The following TMEFF2 variants were observed in gnomAD, a reference collection of about 807,000 sequenced individuals.
TMEFF2 encodes transmembrane protein with EGF like and two follistatin like domains 2, also known as tomoregulin-2.
In TMEFF2, 28 loss-of-function variants were observed where a neutral mutation model predicts 53.8. That is an observed-to-expected ratio of 0.52 (90% CI 0.39 to 0.71). TMEFF2 has a LOEUF of 0.71. Among genes scored for constraint, TMEFF2 ranks in the 30% least tolerant of loss-of-function variants. The probability of loss-of-function intolerance (pLI) is 0.00; values close to 1 mark genes in which losing one functional copy is unlikely to be tolerated. For synonymous variants in TMEFF2, 162 were observed against 166.3 expected (o/e 0.97, Z 0.20); for missense variants, 353 against 455.2 (o/e 0.78, Z 2.04).
chr2:192,187,391 G>A (rs1691340793), intron 2 of TMEFF2, among the ~76,000 whole-genome samples: 1 of 152,116 alleles, frequency 6.6e-6, no homozygotes, highest in African/African-American at 2.4e-5. Flanking sequence ...AACTAGTAGA[G>A]TTATCATCTA....
At chr2:192,019,383 T>C (rs1327023344) in intron 5 of TMEFF2, among the ~76,000 whole-genome samples, 2 of 151,998 alleles carry the variant, frequency 1.3e-5, no homozygotes, top group Non-Finnish European at 2.9e-5. Flanking sequence ...CTCAAACATA[T>C]AAATAAGTAG....
At chr2:192,017,903 A>C (rs1270727582) in intron 5 of TMEFF2, among the ~76,000 whole-genome samples, 3 of 152,176 alleles carry the variant, frequency 2.0e-5, no homozygotes, top group Admixed American at 2.0e-4. Context: ...CTCCTCAGTA[A>C]TTGGCATCTA....
chr2:192,140,850 CA>C (rs1458392104), intron 4 of TMEFF2, among the ~76,000 whole-genome samples: 1 of 152,170 alleles, frequency 6.6e-6, no homozygotes, highest in African/African-American at 2.4e-5. Context: ...ACAGGCAGGA[CA>C]GGGGGAATGA....
At chr2:192,168,904 T>A (rs1690838253) in intron 4 of TMEFF2, among the ~76,000 whole-genome samples, 1 of 152,060 alleles carries the variant, frequency 6.6e-6, no homozygotes, top group South Asian at 2.1e-4. Flanking sequence ...GTACGGTTGC[T>A]ATTTATAGCC....
At chr2:192,037,277 GAAAGAAAGAAAGAAA>G (rs1559096314) in intron 5 of TMEFF2, among the ~76,000 whole-genome samples, 11 of 95,794 alleles carry the variant, frequency 1.1e-4, no homozygotes, top group Non-Finnish European at 1.4e-4. Flanking sequence ...CCAAAATAAA[GAAAGAAAGAAAGAAA>G]GAAAGAAAGA....
intron 7 of TMEFF2, among the ~76,000 whole-genome samples, chr2:191,982,548 G>A (rs919474355): frequency 2.0e-5 from 3 of 148,734 alleles, no homozygotes; most frequent in Admixed American, 1.3e-4. Flanking sequence ...AGTTACACTA[G>A]TTTCAAAATT....
intron 4 of TMEFF2, among the ~76,000 whole-genome samples, chr2:192,174,894 G>A (rs1691001320): frequency 6.6e-6 from 1 of 151,660 alleles, no homozygotes. Context: ...AGGTATGCTG[G>A]TTGGAGAGGG....
At chr2:192,002,038 T>TTTATTTATTTA (rs112135470) in intron 5 of TMEFF2, among the ~76,000 whole-genome samples, 16 of 148,258 alleles carry the variant, frequency 1.1e-4, no homozygotes, top group African/African-American at 3.9e-4. Context: ...TTATTTATTA[T>TTTATTTATTTA]TTTTCAGTTT....
intron 5 of TMEFF2, among the ~76,000 whole-genome samples, chr2:192,049,365 ACATT>A (rs1353481466): frequency 6.6e-6 from 1 of 152,176 alleles, no homozygotes; most frequent in African/African-American, 2.4e-5. Flanking sequence ...CTAGTGTATT[ACATT>A]CATAAGACTG....
intron 5 of TMEFF2, 135 bp from the exon 6 acceptor site, chr2:191,999,343 T>G (rs1574278849): frequency 1.6e-6 from 1 of 612,190 alleles, no homozygotes; most frequent in African/African-American, 1.9e-5. Context: ...TCCAGGGAAG[T>G]TCCTTCACTT....
chr2:192,096,680 T>G (rs1180340950), intron 4 of TMEFF2, among the ~76,000 whole-genome samples: 13 of 140,224 alleles, frequency 9.3e-5, no homozygotes, highest in African/African-American at 3.5e-4. Flanking sequence ...CTTTTTTTTT[T>G]TTTTTTTTTT....
chr2:192,159,666 TTGTTAA>T (rs2106009761), intron 4 of TMEFF2, among the ~76,000 whole-genome samples: 1 of 152,272 alleles, frequency 6.6e-6, no homozygotes, highest in South Asian at 2.1e-4. Flanking sequence ...TATTGAAAGC[TTGTTAA>T]TCTATTTCAA....
At chr2:192,101,912 G>C (rs1396310617) in intron 4 of TMEFF2, among the ~76,000 whole-genome samples, 1 of 152,136 alleles carries the variant, frequency 6.6e-6, no homozygotes, top group Non-Finnish European at 1.5e-5. Flanking sequence ...GAATTCCTAA[G>C]TTCTGTGCTT....
chr2:192,143,476 C>T (rs1036666133), intron 4 of TMEFF2, among the ~76,000 whole-genome samples: 1 of 151,998 alleles, frequency 6.6e-6, no homozygotes, highest in Non-Finnish European at 1.5e-5. Flanking sequence ...TTTATGCAAA[C>T]CCATATGAAA....
intron 5 of TMEFF2, among the ~76,000 whole-genome samples, chr2:192,018,692 G>C (rs1686795201): frequency 6.6e-6 from 1 of 151,978 alleles, no homozygotes; most frequent in African/African-American, 2.4e-5. Flanking sequence ...TTGAAATTTT[G>C]ATCCAATATA....
At chr2:192,111,373 C>T (rs1369740317) in intron 4 of TMEFF2, among the ~76,000 whole-genome samples, 1 of 152,092 alleles carries the variant, frequency 6.6e-6, no homozygotes, top group Non-Finnish European at 1.5e-5. Flanking sequence ...GTAAAGGTAA[C>T]TATTACTATG....
chr2:192,131,840 A>G (rs1382202884), intron 4 of TMEFF2, among the ~76,000 whole-genome samples: 2 of 152,166 alleles, frequency 1.3e-5, no homozygotes, highest in Non-Finnish European at 1.5e-5. Context: ...ACTCGACAGT[A>G]GTTCCAAATA....
chr2:192,007,563 A>G (rs1686528298), intron 5 of TMEFF2, among the ~76,000 whole-genome samples: 1 of 152,200 alleles, frequency 6.6e-6, no homozygotes, highest in Non-Finnish European at 1.5e-5. Flanking sequence ...TCTGATTAGA[A>G]TGAACTCTTC....
chr2:192,172,918 A>C (rs1303149700), intron 4 of TMEFF2, among the ~76,000 whole-genome samples: 1 of 151,938 alleles, frequency 6.6e-6, no homozygotes, highest in Admixed American at 6.6e-5. Flanking sequence ...GGACTGGCTT[A>C]GTCACCATAT....
Sources: gnomAD v4.1 joint callset for allele counts (sites outside exome capture counted in the v4.1 genomes callset) on GRCh38, gnomAD v4.1.1 for gene constraint, MANE v1.5 for transcripts, NCBI Gene and HGNC (gene_info 2026-07-23, HGNC 2026-07-21) for gene names.